SORCS3: variants seen among roughly 807,000 people sequenced by gnomAD.
SORCS3 encodes sortilin related VPS10 domain containing receptor 3.
Under a neutral mutation model 146.3 loss-of-function variants are expected in SORCS3, and 57 were observed. The ratio of observed to expected loss-of-function variants is 0.39; its 90% CI spans 0.31 to 0.49. SORCS3 has a LOEUF of 0.49. SORCS3 is among the 20% of genes least tolerant of loss of function. The pLI, the probability that SORCS3 is intolerant of heterozygous loss-of-function variation, is 0.92. For synonymous variants in SORCS3, 653 were observed against 618.5 expected, an observed-to-expected ratio of 1.06 and a Z score of -0.83; for missense variants, 1,341 against 1,575.5, an observed-to-expected ratio of 0.85 and a Z score of 2.52.
intron 1 of SORCS3, among the ~76,000 whole-genome samples, chr10:104,768,250 A>G (rs146896636): frequency 1.3e-5 from 2 of 152,340 alleles, no homozygotes; most frequent in African/African-American, 4.8e-5. Context: ...GGAGCTCCCC[A>G]GGTGATTCTT....
chr10:105,162,324 C>T (rs1002297048), intron 11 of SORCS3, among the ~76,000 whole-genome samples: 44 of 152,056 alleles, frequency 2.9e-4, no homozygotes, highest in African/African-American at 9.9e-4. Context: ...ATCTCACTCT[C>T]CCTCCTCTCT....
chr10:104,945,854 G>T (rs1413882308), intron 3 of SORCS3, among the ~76,000 whole-genome samples: 5 of 151,702 alleles, frequency 3.3e-5, no homozygotes. Flanking sequence ...TGGAGAAGCT[G>T]AGATGGCTTA....
intron 1 of SORCS3, among the ~76,000 whole-genome samples, chr10:104,724,110 G>T (rs1371687288): frequency 6.6e-6 from 1 of 152,144 alleles, no homozygotes; most frequent in Non-Finnish European, 1.5e-5. Context: ...GCAGTGGCTG[G>T]TACCGGTTGT....
intron 7 of SORCS3, among the ~76,000 whole-genome samples, chr10:105,109,920 T>TA (rs1417728574): frequency 3.3e-5 from 5 of 152,108 alleles, no homozygotes; most frequent in Non-Finnish European, 7.4e-5. Context: ...ATTTTTTCTT[T>TA]ATTTTTTAAT....
chr10:105,108,866 G>T (rs1033081332), intron 7 of SORCS3, among the ~76,000 whole-genome samples: 2 of 152,124 alleles, frequency 1.3e-5, no homozygotes, highest in Non-Finnish European at 2.9e-5. Context: ...ATAAATCAGT[G>T]GATCATCAGC....
intron 3 of SORCS3, among the ~76,000 whole-genome samples, chr10:104,942,204 A>T (rs933094166): frequency 2.6e-5 from 4 of 152,216 alleles, no homozygotes; most frequent in African/African-American, 9.6e-5. Context: ...ACATTTTCCC[A>T]GGACTTCTAG....
chr10:105,132,384 A>C (rs2133773171), intron 7 of SORCS3, among the ~76,000 whole-genome samples: 1 of 152,252 alleles, frequency 6.6e-6, no homozygotes, highest in East Asian at 1.9e-4. Context: ...TAGAATATAA[A>C]CTCAAAAATA....
chr10:105,148,442 A>G (rs1338777342), intron 9 of SORCS3, among the ~76,000 whole-genome samples: 1 of 152,178 alleles, frequency 6.6e-6, no homozygotes. Context: ...AGAAAAAAAG[A>G]AACTATTTTC....
intron 13 of SORCS3, among the ~76,000 whole-genome samples, chr10:105,176,375 C>A (rs1488195848): frequency 6.6e-6 from 1 of 150,522 alleles, no homozygotes; most frequent in Non-Finnish European, 1.5e-5. Flanking sequence ...AACACCCCAC[C>A]TCTACAAAAA....
Position 104,862,057 on chromosome 10 carries a change from C to T in SORCS3, c.695+19198C>T, listed in dbSNP as rs1412178087. On this transcript the variant is annotated intron_variant, in intron 2 of 26. Coordinates refer to ENST00000369701, the MANE Select transcript of SORCS3 (RefSeq NM_014978.3). ...CTCATCATAACTAATACATCTGCAA[C>T]AACTTTGTTTCCAAATAAGGTCACA... Among the ~76,000 whole-genome samples, 3 of 152,202 alleles carry T rather than the reference C, an allele frequency of 2.0e-5. No homozygotes were observed. The East Asian group carries it at 5.8e-4, about 29-fold the overall frequency.
chr10:105,032,326 T>A (rs1359002821), intron 4 of SORCS3, among the ~76,000 whole-genome samples: 1 of 152,192 alleles, frequency 6.6e-6, no homozygotes, highest in Non-Finnish European at 1.5e-5. Flanking sequence ...AACTTCAGTA[T>A]CCTCCTTCAG....
rs548408725 is a variant in SORCS3, at chr10:104,787,731, G to A, written c.628-55061G>A. Among the ~76,000 whole-genome samples, 97 of 152,238 alleles carry A rather than the reference G, an allele frequency of 6.4e-4. 2 individuals are homozygous for A. The South Asian group carries it at 0.019, about 30-fold the overall frequency. On this transcript the variant is annotated intron_variant, in intron 1 of 26. Transcript: ENST00000369701. Reference sequence around the variant, plus strand: ...AAGAAGAAATCACTTTTCCATAATTGGTACCTTTTTCATTCCCTCTTAAAA... The same window carrying A: ...AAGAAGAAATCACTTTTCCATAATTAGTACCTTTTTCATTCCCTCTTAAAA...
chr10:104,947,614 G>A lies in SORCS3; in HGVS notation c.796-29721G>A, dbSNP rs533174338. On this transcript the variant is annotated intron_variant, in intron 3 of 26. Coordinates refer to ENST00000369701, the MANE Select transcript of SORCS3 (RefSeq NM_014978.3). ...CCTAGCACTGGATGTTGTATTTTTTGTTTGTTTGTTTTGTTGTTGTTGTTT... is the reference window on the plus strand; with the variant it reads ...CCTAGCACTGGATGTTGTATTTTTTATTTGTTTGTTTTGTTGTTGTTGTTT... Among the ~76,000 whole-genome samples the A allele has an allele frequency of 2.0e-5, 3 of 151,254 alleles. No individual in the cohort carries two copies. In the South Asian group the frequency reaches 6.2e-4, roughly 31 times the overall value.
At chr10:104,819,991 T>G (rs1329715717) in intron 1 of SORCS3, among the ~76,000 whole-genome samples, 1 of 152,180 alleles carries the variant, frequency 6.6e-6, no homozygotes, top group Non-Finnish European at 1.5e-5. Context: ...TGAGGTTGAG[T>G]CTCTGATCTT....
rs1043913900 is a variant in SORCS3 at position 105,176,472 on chromosome 10, G to C, written c.1902-1594G>C. On this transcript the variant is annotated intron_variant, in intron 13 of 26. Coordinates refer to ENST00000369701, the MANE Select transcript of SORCS3 (RefSeq NM_014978.3). ...GGAGGCTGAGGCGGGATAATCACTT[G>C]AGCTGAAGAGTTCAAGGCTGCAATG... 3.3e-5 allele frequency among the ~76,000 whole-genome samples: 5 copies of C among 152,176 alleles called. No homozygotes were observed. In the East Asian group the frequency reaches 9.7e-4, roughly 29 times the overall value.
chr10:105,260,400 G>T (rs2056953760), intron 25 of SORCS3, among the ~76,000 whole-genome samples: 1 of 152,170 alleles, frequency 6.6e-6, no homozygotes, highest in South Asian at 2.1e-4. Flanking sequence ...ATATAAAAAG[G>T]AATATAAAGG....
chr10:104,888,028 G>A (rs536464150), intron 2 of SORCS3, among the ~76,000 whole-genome samples: 2 of 128,794 alleles, frequency 1.6e-5, no homozygotes, highest in African/African-American at 4.0e-5. Flanking sequence ...TAAGAGTTTG[G>A]GTTTATGGTG....
intron 1 of SORCS3, among the ~76,000 whole-genome samples, chr10:104,770,931 T>C (rs927802757): frequency 6.6e-6 from 1 of 152,200 alleles, no homozygotes; most frequent in African/African-American, 2.4e-5. Context: ...GTATAATCAA[T>C]ATAAAATTAT....
chr10:104,864,514 A>T (rs529274343), intron 2 of SORCS3, among the ~76,000 whole-genome samples: 3 of 152,246 alleles, frequency 2.0e-5, no homozygotes, highest in Admixed American at 2.0e-4. Context: ...GTACCTGGTT[A>T]ACAAAGCTTG....
Sources: allele counts gnomAD v4.1 joint callset (sites outside exome capture counted in the v4.1 genomes callset), GRCh38; gene constraint gnomAD v4.1.1; transcripts MANE v1.5; gene names NCBI Gene and HGNC (gene_info 2026-07-23, HGNC 2026-07-21).